The following CCDC30 variants were observed in gnomAD, a reference collection of about 807,000 sequenced individuals.
The protein encoded by CCDC30 is coiled-coil domain containing 30, also known as coiled-coil domain-containing protein 30.
A neutral mutation model predicts 100.2 loss-of-function variants in CCDC30; 70 were observed. The observed-to-expected ratio is 0.70, with a 90% CI of 0.58 to 0.85. CCDC30 has a LOEUF of 0.85. CCDC30 is among the 40% of genes least tolerant of loss of function. The pLI is 0.00. For missense variants in CCDC30, 652 were observed against 771.2 expected, an observed-to-expected ratio of 0.85 and a Z score of 1.83; for synonymous variants, 233 against 269.5, an observed-to-expected ratio of 0.86 and a Z score of 1.33.
At chr1:42,539,206 C>T (rs1480082669) in intron 6 of CCDC30, 1 of 1,605,634 alleles carries the variant, frequency 6.2e-7, no homozygotes, top group Admixed American at 1.7e-5. Flanking sequence ...GCTTATATGC[C>T]TTTATAATGA....
chr1:42,583,109 T>C (rs1014956795), intron 9 of CCDC30, among the ~76,000 whole-genome samples: 1 of 152,220 alleles, frequency 6.6e-6, no homozygotes, highest in African/African-American at 2.4e-5. Context: ...GGTCTGCCAC[T>C]GTGGCCCTCA....
chr1:42,640,053 T>A (rs1389466118), intron 12 of CCDC30, among the ~76,000 whole-genome samples: 1 of 152,138 alleles, frequency 6.6e-6, no homozygotes, highest in Non-Finnish European at 1.5e-5. Context: ...TAGAACGACT[T>A]AGCCTAGAGA....
chr1:42,502,996 C>T (rs1644344016), intron 6 of CCDC30, among the ~76,000 whole-genome samples: 1 of 152,150 alleles, frequency 6.6e-6, no homozygotes, highest in Non-Finnish European at 1.5e-5. Context: ...AATTTTCCCA[C>T]CTCAGCCTCC....
At chr1:42,614,580 A>G (rs1646689550) in intron 11 of CCDC30, among the ~76,000 whole-genome samples, 1 of 151,622 alleles carries the variant, frequency 6.6e-6, no homozygotes, top group African/African-American at 2.4e-5. Flanking sequence ...TGAGCTCAGG[A>G]GTTCAAGACC....
intron 10 of CCDC30, chr1:42,591,074 A>G (rs1646177258): frequency 6.6e-6 from 1 of 152,256 alleles, no homozygotes; most frequent in African/African-American, 2.4e-5. Flanking sequence ...GGAATGACTT[A>G]AAGTTGGAAC....
intron 6 of CCDC30, chr1:42,500,249 A>G: frequency 6.2e-7 from 1 of 1,608,764 alleles, no homozygotes; most frequent in Non-Finnish European, 8.5e-7. Context: ...GTTTCTTTGG[A>G]AGGCAGTGGA....
upstream of CCDC30, chr1:42,460,027 G>A (rs1643368149): frequency 6.9e-7 from 1 of 1,451,208 alleles, no homozygotes; most frequent in South Asian, 1.5e-5. Context: ...TAAAATGAAA[G>A]AAAGGGAAAA....
chr1:42,600,305 T>C (rs1000544206), intron 10 of CCDC30, among the ~76,000 whole-genome samples: 1 of 152,164 alleles, frequency 6.6e-6, no homozygotes, highest in East Asian at 1.9e-4. Flanking sequence ...GAGGCAAAAA[T>C]TGATACAACT....
At chr1:42,512,289 TGTTTATGGCCAGTTTTGGGGCCA>T (rs1477336079) in intron 6 of CCDC30, among the ~76,000 whole-genome samples, 1 of 152,168 alleles carries the variant, frequency 6.6e-6, no homozygotes, top group Non-Finnish European at 1.5e-5. Flanking sequence ...AAAGAGATTT[TGTTTATGGCCAGTTTTGGGGCCA>T]GTTTATGGCC....
intron 6 of CCDC30, among the ~76,000 whole-genome samples, chr1:42,515,710 A>G (rs1378331720): frequency 6.6e-6 from 1 of 152,200 alleles, no homozygotes; most frequent in Non-Finnish European, 1.5e-5. Context: ...AGGGACTAAG[A>G]TACTCCCTGC....
chr1:42,472,235 A>G (rs1643793489), intron 1 of CCDC30, among the ~76,000 whole-genome samples: 2 of 152,174 alleles, frequency 1.3e-5, no homozygotes, highest in African/African-American at 4.8e-5. Flanking sequence ...CCTGGGCAAC[A>G]GAGGTAGACT....
chr1:42,519,753 C>G (rs564727847), intron 6 of CCDC30, among the ~76,000 whole-genome samples: 28 of 152,082 alleles, frequency 1.8e-4, no homozygotes, highest in African/African-American at 6.5e-4. Flanking sequence ...CAGGGTTTCA[C>G]CATGTTGGCC....
chr1:42,460,976 C>T (rs147793649), upstream of CCDC30, among the ~76,000 whole-genome samples: 13 of 152,362 alleles, frequency 8.5e-5, no homozygotes, highest in African/African-American at 3.1e-4. Context: ...ACTTTCAATA[C>T]TTCTCTTGCT....
chr1:42,569,395 A>C (rs540561043), intron 7 of CCDC30, among the ~76,000 whole-genome samples: 44 of 152,370 alleles, frequency 2.9e-4, no homozygotes, highest in Middle Eastern at 3.4e-3. Flanking sequence ...ATCGCTGGTC[A>C]TTAGAGAAAT....
intron 6 of CCDC30, chr1:42,500,347 G>C: frequency 6.3e-7 from 1 of 1,591,758 alleles, no homozygotes; most frequent in Admixed American, 1.7e-5. Context: ...CATAGTTGCC[G>C]AGGAAAAGCG....
At chr1:42,595,768 AT>A (rs969111868) in intron 10 of CCDC30, among the ~76,000 whole-genome samples, 3 of 152,108 alleles carry the variant, frequency 2.0e-5, no homozygotes, top group African/African-American at 7.2e-5. Flanking sequence ...AATTAAGTGG[AT>A]TAGCCTTAGT....
At chr1:42,582,496 G>A (rs1570143500) in intron 9 of CCDC30, among the ~76,000 whole-genome samples, 1 of 152,232 alleles carries the variant, frequency 6.6e-6, no homozygotes, top group African/African-American at 2.4e-5. Context: ...CAAAACTCTT[G>A]GAAAATTGCC....
chr1:42,598,836 GGATC>G (rs1646344833), intron 10 of CCDC30, among the ~76,000 whole-genome samples: 2 of 151,922 alleles, frequency 1.3e-5, no homozygotes, highest in South Asian at 4.1e-4. Flanking sequence ...CAAGACAGGA[GGATC>G]GCTTGAGACC....
rs775196962 is a variant in CCDC30 at position 42,611,101 on chromosome 1, A to C, written c.1277+11A>C. 4 of 1,488,342 alleles carry C rather than the reference A, an allele frequency of 2.7e-6. No individual in the cohort carries two copies. The highest frequency in any genetic ancestry group is 2.8e-6 in the Non-Finnish European group (3 of 1,065,882). The allele number at this position is 1,488,342 out of a possible 1,614,324, so 92.2% of individuals were successfully genotyped here. ...TAATGTCCATGTGAGGTAAACAAAG[A>C]CAAGTTCTCTTTGGAAGAAAACTAT... is the stretch of plus-strand genomic sequence containing the variant. On this transcript the variant is annotated intron_variant, in intron 11 of 16. Coordinates refer to ENST00000668663, the Ensembl canonical transcript of CCDC30.
Sources: gnomAD v4.1 joint callset for allele counts (sites outside exome capture counted in the v4.1 genomes callset) on GRCh38, gnomAD v4.1.1 for gene constraint, MANE v1.5 for transcripts, NCBI Gene and HGNC (gene_info 2026-07-23, HGNC 2026-07-21) for gene names.